PRKN: variants seen among roughly 807,000 people sequenced by gnomAD.
The protein encoded by PRKN is E3 ubiquitin-protein ligase parkin.
In PRKN, 56 loss-of-function variants were observed where a neutral mutation model predicts 59.5. That is an observed-to-expected ratio of 0.94 (90% CI 0.76 to 1.18). PRKN has a LOEUF of 1.18. Among genes scored for constraint, PRKN ranks in the 50% most tolerant of loss-of-function variants. The pLI, the probability that PRKN is intolerant of heterozygous loss-of-function variation, is 0.00. For missense variants in PRKN, 657 were observed against 596.4 expected, an observed-to-expected ratio of 1.10 and a Z score of -1.06; for synonymous variants, 250 against 222.1, an observed-to-expected ratio of 1.13 and a Z score of -1.12.
chr6:161,356,612 G>A lies in PRKN; in HGVS notation c.1285+3476C>T, dbSNP rs965349118. Among the ~76,000 whole-genome samples, 1 of 149,540 alleles carries A rather than the reference G, an allele frequency of 6.7e-6. No individual in the cohort carries two copies. On this transcript the variant is annotated intron_variant, in intron 11 of 11. Transcript: ENST00000366898. This position sits in a 1 kb window ranked among gnomAD's most constrained non-coding sequence, Gnocchi z 7.8. ...GTGGGCAGACGCTGGATCAGAGCAC[G>A]GGGAAGGCCGTGGTGACCGGGGATT...
At chr6:161,857,599 T>C (rs1406769436) in intron 6 of PRKN, among the ~76,000 whole-genome samples, 1 of 152,244 alleles carries the variant, frequency 6.6e-6, no homozygotes, top group East Asian at 1.9e-4. Context: ...TATGTCTGTA[T>C]CTGTTAAATG....
rs919869941 is a variant in PRKN at position 161,566,126 on chromosome 6, C to T, written c.933+3229G>A. 6.6e-6 allele frequency among the ~76,000 whole-genome samples: 1 copy of T among 152,162 alleles called. No individual in the cohort carries two copies. The highest frequency in any genetic ancestry group is 2.4e-5 in the African/African-American group (1 of 41,436). On this transcript the variant is annotated intron_variant, in intron 8 of 11. Coordinates refer to ENST00000366898, the MANE Select transcript of PRKN (RefSeq NM_004562.3). The surrounding 1 kb of genome is among the most constrained non-coding windows in gnomAD (Gnocchi z 4.1). ...TCAGCTACCTCATTTCTTTGCTTTC[C>T]TCTTCAGCTAAGTTCCCAGTTGCCA... is the stretch of plus-strand genomic sequence containing the variant.
intron 6 of PRKN, among the ~76,000 whole-genome samples, chr6:161,902,558 T>TATCTATCTATC (rs1562378484): frequency 1.5e-4 from 9 of 61,784 alleles, no homozygotes; most frequent in Non-Finnish European, 2.9e-4. Flanking sequence ...ATTTATTTAT[T>TATCTATCTATC]TATTTATTTT....
Position 162,073,617 on chromosome 6 carries a change from A to G in PRKN, c.535-19443T>C, listed in dbSNP as rs114492897. ...CAGACGTGCATCACCACACCCGGTT[A>G]ATTTTTATACTTTTTGTAGAGACAA... On this transcript the variant is annotated intron_variant, in intron 4 of 11. Coordinates refer to ENST00000366898, the MANE Select transcript of PRKN (RefSeq NM_004562.3). Among the ~76,000 whole-genome samples the G allele has an allele frequency of 3.0e-3, 451 of 152,126 alleles. 1 individual carries two copies. Among genetic ancestry groups the G allele is most frequent in the African/African-American group, 0.01 (427 of 41,502 alleles).
chr6:162,399,183 CAGCA>C (rs1366101071), intron 2 of PRKN, among the ~76,000 whole-genome samples: 1 of 152,048 alleles, frequency 6.6e-6, no homozygotes, highest in Admixed American at 6.6e-5. Flanking sequence ...ACATAAGCAA[CAGCA>C]ATTGGGTAGG....
At chr6:161,987,882 A>G (rs1016297154) in intron 5 of PRKN, among the ~76,000 whole-genome samples, 4 of 152,216 alleles carry the variant, frequency 2.6e-5, no homozygotes, top group Admixed American at 2.6e-4. Context: ...AGAGGCAAAG[A>G]AGGAGGATGG....
intron 1 of PRKN, among the ~76,000 whole-genome samples, chr6:162,650,448 A>C (rs1418837338): frequency 6.6e-6 from 1 of 151,520 alleles, no homozygotes; most frequent in South Asian, 2.1e-4. Flanking sequence ...AATACAAAAA[A>C]TTAGCCGGGC....
rs12191007 is a variant in PRKN, at chr6:162,324,220, A to G, written c.172-61455T>C. 4.2e-3 allele frequency among the ~76,000 whole-genome samples: 632 copies of G among 152,036 alleles called. 5 individuals are homozygous for G. The highest frequency in any genetic ancestry group is 0.015 in the African/African-American group (607 of 41,470). On this transcript the variant is annotated intron_variant, in intron 2 of 11. Transcript: ENST00000366898. ...CTATATTATTCCATGTAAGTACATT[A>G]TAGACAATGCAAACTAATCTAGAGT...
intron 7 of PRKN, among the ~76,000 whole-genome samples, chr6:161,665,293 G>T (rs9365313): frequency 0.67 from 101,366 of 151,906 alleles, 34,547 homozygotes; most frequent in Non-Finnish European, 0.74. Context: ...CTCTATATGT[G>T]GCCAGTATAC....
intron 8 of PRKN, among the ~76,000 whole-genome samples, chr6:161,557,425 T>C (rs1780278386): frequency 1.3e-5 from 2 of 152,308 alleles, no homozygotes; most frequent in South Asian, 2.1e-4. Flanking sequence ...TGTTCTATAA[T>C]GAAGGAACGG....
At chr6:161,609,910 C>A (rs896629102) in intron 7 of PRKN, among the ~76,000 whole-genome samples, 2 of 151,968 alleles carry the variant, frequency 1.3e-5, no homozygotes, top group Non-Finnish European at 2.9e-5. Context: ...TCAAAGGAGT[C>A]GAATTGTTTT....
chr6:162,048,981 G>A (rs1037368253), intron 5 of PRKN, among the ~76,000 whole-genome samples: 2 of 152,090 alleles, frequency 1.3e-5, no homozygotes, highest in African/African-American at 4.8e-5. Flanking sequence ...TGAGCTGACC[G>A]GAATTCTTTT....
At chr6:162,449,544 T>A (rs1790490036) in intron 1 of PRKN, among the ~76,000 whole-genome samples, 1 of 152,156 alleles carries the variant, frequency 6.6e-6, no homozygotes, top group Non-Finnish European at 1.5e-5. Flanking sequence ...GCTCGTTTTT[T>A]ATTTTTTAAT....
rs548654752 is a variant in PRKN, at chr6:161,566,223, C to A, written c.933+3132G>T. ...CTCACATGAATCCATTCGAGGCAGG[C>A]TTTCCCCTCACTGCCCATGGTCAAG... is the stretch of plus-strand genomic sequence containing the variant. On this transcript the variant is annotated intron_variant, in intron 8 of 11. Transcript: ENST00000366898. The surrounding 1 kb of genome is among the most constrained non-coding windows in gnomAD (Gnocchi z 4.1). Among the ~76,000 whole-genome samples, 7 of 152,308 alleles carry A rather than the reference C, an allele frequency of 4.6e-5. No individual in the cohort carries two copies. The highest frequency in any genetic ancestry group is 8.8e-5 in the Non-Finnish European group (6 of 68,026).
At chr6:162,701,590 T>A (rs1330682316) in intron 1 of PRKN, among the ~76,000 whole-genome samples, 2 of 151,986 alleles carry the variant, frequency 1.3e-5, no homozygotes, top group African/African-American at 4.8e-5. Flanking sequence ...CCAGCACACC[T>A]GTTCACCAAT....
Position 161,877,826 on chromosome 6 carries a change from C to G in PRKN, c.735-91918G>C, listed in dbSNP as rs1203442335. Among the ~76,000 whole-genome samples the G allele has an allele frequency of 2.0e-5, 3 of 152,004 alleles. No homozygotes were observed. In the East Asian group the frequency reaches 5.8e-4, roughly 29 times the overall value. The stretch of plus-strand genomic sequence containing the variant: ...AGTGACCGAAGAGAGAATGTGAAGC[C>G]CCCTGGCAGTTGCTAGGATGGCATG... On this transcript the variant is annotated intron_variant, in intron 6 of 11. Transcript: ENST00000366898.
At chr6:162,702,836 T>C (rs1185127974) in intron 1 of PRKN, among the ~76,000 whole-genome samples, 1 of 152,182 alleles carries the variant, frequency 6.6e-6, no homozygotes, top group Non-Finnish European at 1.5e-5. Flanking sequence ...GATGTTTAAC[T>C]CCTTAAATGA....
Position 161,466,339 on chromosome 6 carries a change from T to G in PRKN, c.1084-79462A>C, listed in dbSNP as rs1790474061. Reference sequence around the variant, plus strand: ...ATTACTTTTAGTAATTTTCTTCACTTAGGTTTTTTTTGATCTCAGCTCTCT... The same window carrying G: ...ATTACTTTTAGTAATTTTCTTCACTGAGGTTTTTTTTGATCTCAGCTCTCT... On this transcript the variant is annotated intron_variant, in intron 9 of 11. Transcript: ENST00000366898. The surrounding 1 kb of genome is among the most constrained non-coding windows in gnomAD (Gnocchi z 5.0). Among the ~76,000 whole-genome samples, 1 of 152,236 alleles carries G rather than the reference T, an allele frequency of 6.6e-6. No homozygotes were observed. The highest frequency in any genetic ancestry group is 1.5e-5 in the Non-Finnish European group (1 of 68,044).
chr6:162,521,607 T>C (rs1212498890), intron 1 of PRKN, among the ~76,000 whole-genome samples: 2 of 152,176 alleles, frequency 1.3e-5, no homozygotes, highest in Non-Finnish European at 2.9e-5. Context: ...TACTATTCTA[T>C]ACACACACAA....
Sources: gnomAD v4.1 joint callset for allele counts (sites outside exome capture counted in the v4.1 genomes callset) on GRCh38, gnomAD v4.1.1 for gene constraint, Gnocchi (gnomAD v3.1) non-coding constraint, MANE v1.5 for transcripts, NCBI Gene and HGNC (gene_info 2026-07-23, HGNC 2026-07-21) for gene names.